SORCS3: variants seen among roughly 807,000 people sequenced by gnomAD.
SORCS3 encodes the protein sortilin related VPS10 domain containing receptor 3.
Under a neutral mutation model 146.3 loss-of-function variants are expected in SORCS3, and 57 were observed. The ratio of observed to expected loss-of-function variants is 0.39; its 90% CI spans 0.31 to 0.49. The LOEUF is 0.49. Ranked by LOEUF, SORCS3 falls within the 20% of genes least tolerant of loss-of-function variation. The probability of loss-of-function intolerance (pLI) is 0.92; values close to 1 mark genes in which losing one functional copy is unlikely to be tolerated. For synonymous variants in SORCS3, 653 were observed against 618.5 expected (o/e 1.06, Z -0.83); for missense variants, 1,341 against 1,575.5 (o/e 0.85, Z 2.52).
chr10:105,242,615 T>TATTTATATAC (rs1564793690), intron 20 of SORCS3, among the ~76,000 whole-genome samples: 64 of 101,388 alleles, frequency 6.3e-4, no homozygotes, highest in South Asian at 1.7e-3. Context: ...CATTTATATA[T>TATTTATATAC]ATTTATATAT....
At chr10:105,175,884 G>A (rs2056397923) in intron 13 of SORCS3, among the ~76,000 whole-genome samples, 1 of 152,138 alleles carries the variant, frequency 6.6e-6, no homozygotes, top group Non-Finnish European at 1.5e-5. Flanking sequence ...CTGAGAGACT[G>A]GTTACTTTAG....
intron 1 of SORCS3, among the ~76,000 whole-genome samples, chr10:104,696,689 A>G (rs1313090315): frequency 1.5e-5 from 1 of 66,716 alleles, no homozygotes; most frequent in African/African-American, 5.8e-5. Context: ...TATAATATAT[A>G]ATATATATTA....
chr10:104,762,867 C>G (rs948668995), intron 1 of SORCS3, among the ~76,000 whole-genome samples: 1 of 152,166 alleles, frequency 6.6e-6, no homozygotes, highest in East Asian at 1.9e-4. Context: ...TGCCCAGTCT[C>G]AGGTAGTATC....
chr10:104,959,006 T>G (rs2054773413), intron 3 of SORCS3, among the ~76,000 whole-genome samples: 1 of 151,998 alleles, frequency 6.6e-6, no homozygotes, highest in South Asian at 2.1e-4. Flanking sequence ...GATTACAATT[T>G]GAGATGAGAT....
At chr10:105,110,511 A>T (rs2055852600) in intron 7 of SORCS3, among the ~76,000 whole-genome samples, 1 of 152,070 alleles carries the variant, frequency 6.6e-6, no homozygotes, top group Non-Finnish European at 1.5e-5. Flanking sequence ...CTTCCCAGAA[A>T]AAGTATTTGA....
At chr10:104,825,709 G>A (rs774322062) in intron 1 of SORCS3, among the ~76,000 whole-genome samples, 5 of 152,166 alleles carry the variant, frequency 3.3e-5, no homozygotes, top group Non-Finnish European at 7.3e-5. Flanking sequence ...AAATTGGCAA[G>A]GAATTGTGTG....
intron 1 of SORCS3, among the ~76,000 whole-genome samples, chr10:104,732,256 C>T (rs1305429630): frequency 2.0e-5 from 3 of 152,106 alleles, no homozygotes; most frequent in African/African-American, 7.2e-5. Context: ...GGGGCTGCCA[C>T]ATTTATAATA....
intron 2 of SORCS3, 65 bp from the exon 3 acceptor site, chr10:104,915,768 C>T: frequency 2.2e-6 from 3 of 1,389,924 alleles, no homozygotes; most frequent in Non-Finnish European, 3.1e-6. Flanking sequence ...ACCTGGCTTC[C>T]CTTTAGACAT....
chr10:104,843,009 C>T, intron 2 of SORCS3, 150 bp downstream of exon 2: 1 of 657,564 alleles, frequency 1.5e-6, no homozygotes, highest in Non-Finnish European at 2.7e-6. Flanking sequence ...AACTGATGGC[C>T]CCCACCTGTG....
At chr10:105,154,308 C>G (rs1404583939) in intron 9 of SORCS3, among the ~76,000 whole-genome samples, 1 of 152,144 alleles carries the variant, frequency 6.6e-6, no homozygotes, top group African/African-American at 2.4e-5. Context: ...ACTCTAGGGA[C>G]AGCCCAAGGC....
chr10:104,958,741 A>G (rs2054771424), intron 3 of SORCS3, among the ~76,000 whole-genome samples: 2 of 152,232 alleles, frequency 1.3e-5, no homozygotes, highest in African/African-American at 2.4e-5. Context: ...AGTAATTTAT[A>G]AAGCAAAAAT....
chr10:105,005,686 G>A (rs1235181478), intron 4 of SORCS3, among the ~76,000 whole-genome samples: 1 of 152,066 alleles, frequency 6.6e-6, no homozygotes, highest in Non-Finnish European at 1.5e-5. Flanking sequence ...AAGAGCCCTT[G>A]AGCACAGTTC....
chr10:105,042,084 G>A (rs1337360884), intron 4 of SORCS3, among the ~76,000 whole-genome samples: 1 of 152,174 alleles, frequency 6.6e-6, no homozygotes, highest in Non-Finnish European at 1.5e-5. Flanking sequence ...TTCTCACATG[G>A]CATTGTAAAA....
intron 6 of SORCS3, among the ~76,000 whole-genome samples, 200 bp from the exon 7 acceptor site, chr10:105,105,197 A>G (rs1185139503): frequency 1.3e-5 from 2 of 152,196 alleles, no homozygotes; most frequent in Admixed American, 6.5e-5. Flanking sequence ...TGAGATGAAC[A>G]ATTTTTCCAC....
intron 1 of SORCS3, among the ~76,000 whole-genome samples, chr10:104,785,924 G>T (rs955460945): frequency 2.0e-5 from 3 of 152,196 alleles, no homozygotes; most frequent in East Asian, 1.9e-4. Context: ...GAGAGGTAGC[G>T]CATGGACCTG....
intron 3 of SORCS3, among the ~76,000 whole-genome samples, chr10:104,952,396 A>G (rs936377455): frequency 4.0e-5 from 6 of 151,372 alleles, no homozygotes; most frequent in Admixed American, 3.3e-4. Context: ...TAAGCGTGTT[A>G]GAAGTGTAGA....
intron 14 of SORCS3, among the ~76,000 whole-genome samples, chr10:105,189,586 AC>A (rs2056500352): frequency 6.6e-6 from 1 of 151,966 alleles, no homozygotes; most frequent in South Asian, 2.1e-4. Context: ...TCACTTCTCT[AC>A]TCTGCATTCC....
At chr10:105,169,745 G>A (rs1014816331) in intron 13 of SORCS3, among the ~76,000 whole-genome samples, 1 of 152,096 alleles carries the variant, frequency 6.6e-6, no homozygotes, top group African/African-American at 2.4e-5. Context: ...TATCTCTATT[G>A]TGGACTGAGT....
chr10:104,747,054 G>T (rs551418821), intron 1 of SORCS3, among the ~76,000 whole-genome samples: 1 of 152,192 alleles, frequency 6.6e-6, no homozygotes, highest in Non-Finnish European at 1.5e-5. Flanking sequence ...GTGAATTCAC[G>T]TTCATGCTTG....
Sources: gnomAD v4.1 joint callset for allele counts (sites outside exome capture counted in the v4.1 genomes callset) on GRCh38, gnomAD v4.1.1 for gene constraint, MANE v1.5 for transcripts, NCBI Gene and HGNC (gene_info 2026-07-23, HGNC 2026-07-21) for gene names.